Variants in SEMA5A observed in about 807,000 individuals in gnomAD.
The protein encoded by SEMA5A is semaphorin 5A.
A neutral mutation model predicts 135.5 loss-of-function variants in SEMA5A; 55 were observed. The ratio of observed to expected loss-of-function variants is 0.41; its 90% CI spans 0.33 to 0.51. The LOEUF (loss-of-function observed/expected upper bound fraction) is 0.51. Ranked by LOEUF, SEMA5A falls within the 20% of genes least tolerant of loss-of-function variation. SEMA5A has a pLI of 0.37. For missense variants in SEMA5A, 1,290 were observed against 1,419.9 expected, an observed-to-expected ratio of 0.91 and a Z score of 1.47; for synonymous variants, 580 against 546.5, an observed-to-expected ratio of 1.06 and a Z score of -0.85.
intron 3 of SEMA5A, among the ~76,000 whole-genome samples, chr5:9,356,642 T>C (rs1315730820): frequency 6.6e-6 from 1 of 152,184 alleles, no homozygotes; most frequent in Non-Finnish European, 1.5e-5. Flanking sequence ...CAGGATGGCA[T>C]TAGGCACTCA....
intron 2 of SEMA5A, among the ~76,000 whole-genome samples, chr5:9,393,996 G>T (rs535271463): frequency 1.4e-4 from 21 of 151,942 alleles, no homozygotes; most frequent in African/African-American, 5.1e-4. Flanking sequence ...AGAGAAAAAA[G>T]AATAATATAG....
rs79932046 is a variant in SEMA5A, at chr5:9,322,971, C to A, written c.225-4554G>T. Among the ~76,000 whole-genome samples the A allele has an allele frequency of 7.8e-3, 1,182 of 152,270 alleles. 6 individuals are homozygous for A. The highest frequency in any genetic ancestry group is 0.013 in the Non-Finnish European group (896 of 68,022). ...GTTCTGCTAATAACAAACTTTTGAT[C>A]CTAGGCCATCAATTTTCACCTCTGG... On this transcript the variant is annotated intron_variant, in intron 4 of 22. Transcript: ENST00000382496.
At chr5:9,469,391 T>C (rs1759391340) in intron 1 of SEMA5A, among the ~76,000 whole-genome samples, 1 of 152,204 alleles carries the variant, frequency 6.6e-6, no homozygotes, top group South Asian at 2.1e-4. Flanking sequence ...AATGTTTAAT[T>C]GGGGTAGTGA....
intron 2 of SEMA5A, among the ~76,000 whole-genome samples, chr5:9,385,688 T>C (rs1009391729): frequency 3.3e-5 from 5 of 151,938 alleles, no homozygotes; most frequent in African/African-American, 9.7e-5. Flanking sequence ...ACCAAAAGGC[T>C]GAAGCGATTG....
chr5:9,156,779 C>T (rs1312185396), intron 11 of SEMA5A, among the ~76,000 whole-genome samples: 1 of 152,202 alleles, frequency 6.6e-6, no homozygotes, highest in African/African-American at 2.4e-5. Context: ...AGACTCATTG[C>T]TGTTTATTAT....
chr5:9,187,638 C>T (rs1744880355), intron 11 of SEMA5A, among the ~76,000 whole-genome samples: 1 of 152,204 alleles, frequency 6.6e-6, no homozygotes, highest in African/African-American at 2.4e-5. Context: ...ATAATCCCAA[C>T]TTGTGATTCA....
chr5:9,193,186 T>C (rs1376774503), intron 10 of SEMA5A, among the ~76,000 whole-genome samples: 8 of 152,196 alleles, frequency 5.3e-5, no homozygotes, highest in Non-Finnish European at 7.3e-5. Flanking sequence ...ATAGAATCTA[T>C]GTATTGGATC....
chr5:9,193,085 G>A (rs1462403543), intron 10 of SEMA5A, among the ~76,000 whole-genome samples: 1 of 151,896 alleles, frequency 6.6e-6, no homozygotes, highest in Non-Finnish European at 1.5e-5. Flanking sequence ...TTGGTTTTGA[G>A]GTATACTCTA....
At chr5:9,307,051 A>G (rs1751903799) in intron 5 of SEMA5A, among the ~76,000 whole-genome samples, 1 of 152,206 alleles carries the variant, frequency 6.6e-6, no homozygotes, top group Non-Finnish European at 1.5e-5. Context: ...TGCATGGGCA[A>G]CTTGCCTCTG....
intron 5 of SEMA5A, among the ~76,000 whole-genome samples, chr5:9,318,115 C>G (rs1752469641): frequency 6.6e-6 from 1 of 152,126 alleles, no homozygotes; most frequent in Non-Finnish European, 1.5e-5. Context: ...GGTCTGTCAT[C>G]TAAGGAAGGA....
chr5:9,277,306 C>T (rs1750312671), intron 5 of SEMA5A, among the ~76,000 whole-genome samples: 1 of 152,102 alleles, frequency 6.6e-6, no homozygotes. Flanking sequence ...ATTAAAAAGT[C>T]AGGAAACAAC....
chr5:9,194,686 C>T (rs40691), intron 10 of SEMA5A, among the ~76,000 whole-genome samples: 128,050 of 152,228 alleles, frequency 0.84, 54,042 homozygotes, highest in African/African-American at 0.88. Flanking sequence ...GTAACTTGAG[C>T]TCCATTGGAG....
chr5:9,379,986 A>C lies in SEMA5A; in HGVS notation c.-40T>G. On this transcript the variant is annotated 5_prime_UTR_variant, in exon 3 of 23. It introduces an in-frame stop codon into an upstream open reading frame of the 5' UTR. Coordinates refer to ENST00000382496, the MANE Select transcript of SEMA5A (RefSeq NM_003966.3). ...CTCTGACTCTGGGCACGTGTCTTCTAAACAGAAGCTCTTCTTCTCCTCATG... is the reference window on the plus strand; with the variant it reads ...CTCTGACTCTGGGCACGTGTCTTCTCAACAGAAGCTCTTCTTCTCCTCATG... 2 of 1,575,560 alleles carry C rather than the reference A, an allele frequency of 1.3e-6. No homozygotes were observed. Among genetic ancestry groups the C allele is most frequent in the Non-Finnish European group, 1.7e-6 (2 of 1,159,322 alleles).
intron 1 of SEMA5A, among the ~76,000 whole-genome samples, chr5:9,458,782 T>C (rs1419225717): frequency 1.3e-5 from 2 of 152,176 alleles, no homozygotes; most frequent in African/African-American, 4.8e-5. Context: ...GAGCATCAAT[T>C]TGGGAGGAAC....
chr5:9,333,229 C>T (rs1357884972), intron 4 of SEMA5A, among the ~76,000 whole-genome samples: 1 of 152,184 alleles, frequency 6.6e-6, no homozygotes, highest in African/African-American at 2.4e-5. Flanking sequence ...AAGAGTGACT[C>T]CACATCTTCC....
chr5:9,161,131 A>ATT (rs11365487), intron 11 of SEMA5A, among the ~76,000 whole-genome samples: 11 of 150,216 alleles, frequency 7.3e-5, no homozygotes, highest in African/African-American at 2.7e-4. Context: ...TTAGTGGGGA[A>ATT]TTTTTTTTTT....
At chr5:9,046,980 C>A (rs948114781) in intron 21 of SEMA5A, among the ~76,000 whole-genome samples, 7 of 152,202 alleles carry the variant, frequency 4.6e-5, no homozygotes, top group African/African-American at 1.7e-4. Context: ...GCATCTTTGG[C>A]CTTTCTTGAC....
At chr5:9,494,158 G>A (rs1188042505) in intron 1 of SEMA5A, among the ~76,000 whole-genome samples, 1 of 152,040 alleles carries the variant, frequency 6.6e-6, no homozygotes, top group African/African-American at 2.4e-5. Context: ...TGGTATTGTG[G>A]GCATAATAAT....
At chr5:9,538,894 T>C (rs1737923564) in intron 1 of SEMA5A, among the ~76,000 whole-genome samples, 2 of 152,256 alleles carry the variant, frequency 1.3e-5, no homozygotes. Context: ...TTTAGGCCAC[T>C]GGCTGTTTAA....
Sources: gnomAD v4.1 joint callset for allele counts (sites outside exome capture counted in the v4.1 genomes callset) on GRCh38, gnomAD v4.1.1 for gene constraint, MANE v1.5 for transcripts, NCBI Gene and HGNC (gene_info 2026-07-23, HGNC 2026-07-21) for gene names.